The following INPP5F variants were observed in gnomAD, a reference collection of about 807,000 sequenced individuals.
INPP5F encodes phosphatidylinositide 4-phosphatase SAC2.
Under a neutral mutation model 137.2 loss-of-function variants are expected in INPP5F, and 97 were observed. The observed-to-expected ratio is 0.71, with a 90% CI of 0.60 to 0.84. INPP5F has a LOEUF of 0.84. Among genes scored for constraint, INPP5F ranks in the 40% least tolerant of loss-of-function variants. INPP5F has a pLI of 0.00. For missense variants in INPP5F, 1,271 were observed against 1,371.9 expected (o/e 0.93, Z 1.16); for synonymous variants, 504 against 476.9 (o/e 1.06, Z -0.74).
intron 19 of INPP5F, among the ~76,000 whole-genome samples, chr10:119,825,356 CT>C (rs1554897352): frequency 6.6e-6 from 1 of 152,024 alleles, no homozygotes; most frequent in Non-Finnish European, 1.5e-5. Context: ...TCAAGAAAAA[CT>C]CTGAAGACCC....
intron 6 of INPP5F, among the ~76,000 whole-genome samples, chr10:119,794,548 C>T (rs1271040384): frequency 3.9e-5 from 6 of 151,918 alleles, no homozygotes; most frequent in South Asian, 2.1e-4. Flanking sequence ...ACCTCCCAGA[C>T]GGGGTGGTGG....
At chr10:119,796,986 G>A (rs1242765975) in intron 7 of INPP5F, 73 bp downstream of exon 7, 28 of 1,331,552 alleles carry the variant, frequency 2.1e-5, no homozygotes, top group Non-Finnish European at 2.9e-5. Context: ...GTGTTGAAAT[G>A]CTAATGACAA....
intron 19 of INPP5F, chr10:119,826,045 G>A (rs1589761856): frequency 2.5e-6 from 1 of 398,446 alleles, no homozygotes; most frequent in East Asian, 3.6e-5. Flanking sequence ...ATAAGAAAAT[G>A]GAAGTCTTAC....
intron 2 of INPP5F, among the ~76,000 whole-genome samples, chr10:119,751,398 G>A (rs1473152253): frequency 6.6e-6 from 1 of 152,196 alleles, no homozygotes; most frequent in African/African-American, 2.4e-5. Flanking sequence ...ATTTGGAATT[G>A]TGGAAGGTGC....
intron 2 of INPP5F, among the ~76,000 whole-genome samples, chr10:119,759,413 G>A (rs566308413): frequency 8.6e-5 from 13 of 151,944 alleles, no homozygotes; most frequent in Middle Eastern, 3.4e-3. Flanking sequence ...TTTTGAGACA[G>A]AGTCTTGCTC....
At chr10:119,764,174 C>T (rs981366398) in intron 2 of INPP5F, among the ~76,000 whole-genome samples, 2 of 152,166 alleles carry the variant, frequency 1.3e-5, no homozygotes, top group African/African-American at 4.8e-5. Flanking sequence ...TAATAGTATG[C>T]ACCTCCAAAC....
chr10:119,799,975 ACT>A (rs1850523329), intron 9 of INPP5F, among the ~76,000 whole-genome samples: 1 of 152,010 alleles, frequency 6.6e-6, no homozygotes, highest in African/African-American at 2.4e-5. Flanking sequence ...TTTAAAAAAC[ACT>A]CTAATGAAAA....
chr10:119,827,815 T>C lies in INPP5F; in HGVS notation c.*35T>C, dbSNP rs1005826683. 9.0e-6 allele frequency: 13 copies of C among 1,437,592 alleles called. No individual in the cohort carries two copies. The Admixed American group carries it at 1.0e-4, about 12-fold the overall frequency. The allele number at this position is 1,437,592 out of a possible 1,614,324, so 89.1% of individuals were successfully genotyped here. A position where few individuals can be genotyped will look rare whatever the true frequency, so the allele number is the denominator to read the frequency against. On this transcript the variant is annotated 3_prime_UTR_variant, in exon 20 of 20. Transcript: ENST00000650623. ...ATAAGAATCCTTCCATGGCTTTTAT[T>C]TAAAAATATGAAATTTTCACCTCTT...
chr10:119,814,315 AG>A (rs1303954501), intron 15 of INPP5F, among the ~76,000 whole-genome samples: 1 of 150,708 alleles, frequency 6.6e-6, no homozygotes, highest in African/African-American at 2.5e-5. Context: ...TGAACCCGGC[AG>A]GCGGAGGTTG....
intron 6 of INPP5F, among the ~76,000 whole-genome samples, chr10:119,795,069 CG>C (rs1303445945): frequency 1.6e-5 from 2 of 128,650 alleles, no homozygotes; most frequent in Admixed American, 1.5e-4. Context: ...GCTGGCCGGG[CG>C]GGGGGCTGAC....
At chr10:119,749,678 T>G (rs770365748) in intron 1 of INPP5F, among the ~76,000 whole-genome samples, 10 of 152,230 alleles carry the variant, frequency 6.6e-5, no homozygotes, top group African/African-American at 1.9e-4. Flanking sequence ...CAGCATTTGT[T>G]TCCTCATCTG....
intron 1 of INPP5F, among the ~76,000 whole-genome samples, chr10:119,746,276 ACTT>A (rs1848530491): frequency 6.6e-6 from 1 of 151,978 alleles, no homozygotes; most frequent in Non-Finnish European, 1.5e-5. Context: ...CTGATGCGCC[ACTT>A]CTTCTACATG....
At chr10:119,822,582 G>A (rs1424875202) in intron 17 of INPP5F, 78 bp downstream of exon 17, 1 of 653,874 alleles carries the variant, frequency 1.5e-6, no homozygotes, top group East Asian at 2.9e-5. Flanking sequence ...ATTTAAGCAA[G>A]AACCTGGTTT....
chr10:119,774,761 G>C (rs1372442334), intron 2 of INPP5F, among the ~76,000 whole-genome samples: 1 of 152,014 alleles, frequency 6.6e-6, no homozygotes, highest in Non-Finnish European at 1.5e-5. Flanking sequence ...GGCCACATCA[G>C]TGGACTCCCA....
chr10:119,726,083 C>T lies in INPP5F; in HGVS notation c.-180C>T, dbSNP rs951953377. On this transcript the variant is annotated 5_prime_UTR_variant, in exon 1 of 20. Transcript: ENST00000650623. ...TCTACGGCCGCCGCTGCCGCCGCCG[C>T]TGCCGGGGCGCGTTCTCCTCCTACC... 1.1e-5 allele frequency: 4 copies of T among 375,252 alleles called. No homozygotes were observed. Among genetic ancestry groups the T allele is most frequent in the Middle Eastern group, 7.2e-4 (1 of 1,392 alleles). The allele number at this position is 375,252 out of a possible 1,614,324, so 23.2% of individuals were successfully genotyped here.
intron 1 of INPP5F, among the ~76,000 whole-genome samples, chr10:119,747,613 T>C (rs1848575476): frequency 6.6e-6 from 1 of 152,224 alleles, no homozygotes; most frequent in Non-Finnish European, 1.5e-5. Flanking sequence ...AGCAAACAAT[T>C]TGGTATTATT....
chr10:119,770,757 T>G (rs1295744688), intron 2 of INPP5F, among the ~76,000 whole-genome samples: 2 of 152,202 alleles, frequency 1.3e-5, no homozygotes, highest in African/African-American at 4.8e-5. Context: ...TTGAACACTA[T>G]TCCAGACACC....
chr10:119,794,496 G>A (rs1045102809), intron 6 of INPP5F, among the ~76,000 whole-genome samples: 13 of 151,674 alleles, frequency 8.6e-5, no homozygotes, highest in African/African-American at 2.9e-4. Context: ...CCACAAAACC[G>A]CCATTGTCAT....
chr10:119,759,607 C>T (rs138423383), intron 2 of INPP5F, among the ~76,000 whole-genome samples: 3 of 152,204 alleles, frequency 2.0e-5, no homozygotes, highest in East Asian at 1.9e-4. Flanking sequence ...CTACCTGCCT[C>T]GGCCTCCCAA....
Sources: allele counts gnomAD v4.1 joint callset (sites outside exome capture counted in the v4.1 genomes callset), GRCh38; gene constraint gnomAD v4.1.1; transcripts MANE v1.5; gene names NCBI Gene and HGNC (gene_info 2026-07-23, HGNC 2026-07-21).